Variants in CSNK2A1 observed in about 807,000 individuals in gnomAD.
The protein encoded by CSNK2A1 is casein kinase 2 alpha 1.
Under a neutral mutation model 62.9 loss-of-function variants are expected in CSNK2A1, and 10 were observed. The ratio of observed to expected loss-of-function variants is 0.16; its 90% CI spans 0.10 to 0.27. The LOEUF (loss-of-function observed/expected upper bound fraction) is 0.27. CSNK2A1 is among the 10% of genes least tolerant of loss of function. The pLI is 1.00. For synonymous variants in CSNK2A1, 124 were observed against 167.8 expected (o/e 0.74, Z 2.02); for missense variants, 160 against 492.0 (o/e 0.33, Z 6.38).
chr20:535,739 C>CAA lies in CSNK2A1; in HGVS notation c.-226-7692_-226-7691dup, dbSNP rs11477824. Among the ~76,000 whole-genome samples the CAA allele has an allele frequency of 2.0e-4, 14 of 70,002 alleles. No individual in the cohort carries two copies. The East Asian group carries it at 2.4e-3, about 12-fold the overall frequency. The allele number at this position is 70,002 out of a possible 152,430, so 45.9% of individuals were successfully genotyped here. A position where few individuals can be genotyped will look rare whatever the true frequency, so the allele number is the denominator to read the frequency against. On this transcript the variant is annotated intron_variant, in intron 1 of 13. Transcript: ENST00000217244. ...TGGGCGACAGAGCAAGACTCCATCT[C>CAA]AAAAAAAAAAAAAAAAAAAGTTTTA...
At chr20:538,017 A>G (rs1176120237) in intron 1 of CSNK2A1, among the ~76,000 whole-genome samples, 1 of 147,232 alleles carries the variant, frequency 6.8e-6, no homozygotes, top group Non-Finnish European at 1.5e-5. Context: ...GCTGGAGTGC[A>G]GTGGCGTGAT....
intron 2 of CSNK2A1, among the ~76,000 whole-genome samples, chr20:525,028 G>A (rs1266649608): frequency 6.6e-6 from 1 of 152,088 alleles, no homozygotes; most frequent in East Asian, 1.9e-4. Flanking sequence ...GTGATCATGT[G>A]AACCTAGGAG....
chr20:501,350 AC>A (rs2018465445), intron 4 of CSNK2A1: 1 of 152,284 alleles, frequency 6.6e-6, no homozygotes, highest in Non-Finnish European at 1.5e-5. Flanking sequence ...GGCATGAGCC[AC>A]TGTGCCTGGG....
At position 499,419 on chromosome 20, in the gene CSNK2A1, G is replaced by T. The variant is rs1040124323; in HGVS notation, c.316-114C>A. 31 of 879,708 alleles carry T rather than the reference G, an allele frequency of 3.5e-5. No individual in the cohort carries two copies. Among genetic ancestry groups the T allele is most frequent in the Admixed American group, 1.8e-4 (7 of 38,748 alleles). 54.5% of individuals were successfully genotyped at this position (879,708 alleles called of 1,614,324 possible). A position where few individuals can be genotyped will look rare whatever the true frequency, so the allele number is the denominator to read the frequency against. On this transcript the variant is annotated intron_variant, in intron 5 of 13. Coordinates refer to ENST00000217244, the MANE Select transcript of CSNK2A1 (RefSeq NM_177559.3). This position sits in a 1 kb window ranked among gnomAD's most constrained non-coding sequence, Gnocchi z 4.2. ...AAATTTGGCAGTCCTCGCCTCAGTA[G>T]TAAGAAACCCTCTATTGCTACAAGC...
At chr20:517,532 T>C (rs1180648085) in intron 2 of CSNK2A1, among the ~76,000 whole-genome samples, 1 of 152,158 alleles carries the variant, frequency 6.6e-6, no homozygotes, top group Non-Finnish European at 1.5e-5. Flanking sequence ...TGAAGGGTAT[T>C]TAAACTATCA....
intron 1 of CSNK2A1, among the ~76,000 whole-genome samples, chr20:532,330 ATTTTT>A (rs138287291): frequency 6.6e-5 from 8 of 121,978 alleles, no homozygotes; most frequent in African/African-American, 2.7e-4. Flanking sequence ...TGCCCGGCTA[ATTTTT>A]TTTTTTTTTT....
rs1223241770 is a variant in CSNK2A1 at position 477,199 on chromosome 20, T to G, written c.*6762A>C. ...CCACCACGCCCAGCTTCTGTGACTT[T>G]AAAAAAATCTTTTTAGACAGGGTCT... is the stretch of plus-strand genomic sequence containing the variant. On this transcript the variant is annotated 3_prime_UTR_variant, in exon 14 of 14. Coordinates refer to ENST00000217244, the MANE Select transcript of CSNK2A1 (RefSeq NM_177559.3). 6.6e-6 allele frequency: 1 copy of G among 152,204 alleles called. No individual in the cohort carries two copies. Among genetic ancestry groups the G allele is most frequent in the African/African-American group, 2.4e-5 (1 of 41,440 alleles). The allele number at this position is 152,204 out of a possible 1,614,324, so 9.4% of individuals were successfully genotyped here.
chr20:519,872 C>T (rs2018909201), intron 2 of CSNK2A1, among the ~76,000 whole-genome samples: 3 of 152,094 alleles, frequency 2.0e-5, no homozygotes, highest in African/African-American at 7.2e-5. Flanking sequence ...AGCTTTAAAA[C>T]ATAGAATACA....
chr20:535,484 G>A (rs551084000), intron 1 of CSNK2A1, among the ~76,000 whole-genome samples: 5 of 152,124 alleles, frequency 3.3e-5, no homozygotes, highest in Admixed American at 1.3e-4. Flanking sequence ...GGCCGGGCGC[G>A]GTGGCTCACG....
intron 1 of CSNK2A1, among the ~76,000 whole-genome samples, chr20:530,670 T>C (rs188876805): frequency 4.3e-4 from 65 of 152,244 alleles, no homozygotes; most frequent in African/African-American, 1.5e-3. Context: ...AGACAGGGTT[T>C]CGCCATGTTG....
At chr20:508,346 G>T in intron 3 of CSNK2A1, 105 bp downstream of exon 3, 1 of 1,263,078 alleles carries the variant, frequency 7.9e-7, no homozygotes, top group Non-Finnish European at 1.1e-6. Context: ...TGATCCTGAG[G>T]TATACACATA....
intron 2 of CSNK2A1, among the ~76,000 whole-genome samples, chr20:513,850 A>AT (rs2018774005): frequency 6.6e-6 from 1 of 152,190 alleles, no homozygotes; most frequent in Admixed American, 6.5e-5. Context: ...CAAGCTAACT[A>AT]TTTTTGCAGT....
At position 482,310 on chromosome 20, in the gene CSNK2A1, G is replaced by C. The variant is rs1020972483; in HGVS notation, c.*1651C>G. The stretch of plus-strand genomic sequence containing the variant: ...AAATAACAGGAGAAAATACAGAGCT[G>C]ATGGTTTTGCTATTGTGCTTAAAAA... On this transcript the variant is annotated 3_prime_UTR_variant, in exon 14 of 14. Coordinates refer to ENST00000217244, the MANE Select transcript of CSNK2A1 (RefSeq NM_177559.3). 3.9e-5 allele frequency: 6 copies of C among 152,164 alleles called. No homozygotes were observed. The highest frequency in any genetic ancestry group is 1.4e-4 in the African/African-American group (6 of 41,432). The allele number at this position is 152,164 out of a possible 1,614,324, so 9.4% of individuals were successfully genotyped here.
At chr20:490,902 A>AG (rs1378419410) in intron 9 of CSNK2A1, among the ~76,000 whole-genome samples, 1 of 151,750 alleles carries the variant, frequency 6.6e-6, no homozygotes, top group Non-Finnish European at 1.5e-5. Context: ...TGAAAAAAAA[A>AG]AAAAAAAAAC....
intron 1 of CSNK2A1, among the ~76,000 whole-genome samples, chr20:535,038 A>C (rs1487738319): frequency 1.4e-5 from 1 of 69,322 alleles, no homozygotes; most frequent in Admixed American, 1.2e-4. Context: ...ATCTCCCAAA[A>C]AAAAAAAAAA....
chr20:527,632 T>C (rs967730560), intron 2 of CSNK2A1, among the ~76,000 whole-genome samples: 1 of 152,130 alleles, frequency 6.6e-6, no homozygotes, highest in Non-Finnish European at 1.5e-5. Flanking sequence ...CTCTCTGACA[T>C]TGTCACACTG....
chr20:509,847 G>A (rs1465737611), intron 2 of CSNK2A1, among the ~76,000 whole-genome samples: 1 of 152,134 alleles, frequency 6.6e-6, no homozygotes, highest in Non-Finnish European at 1.5e-5. Flanking sequence ...AAAGTGCTGA[G>A]ATCACAGATG....
intron 1 of CSNK2A1, among the ~76,000 whole-genome samples, chr20:536,456 G>C (rs1402129929): frequency 6.6e-6 from 1 of 152,130 alleles, no homozygotes; most frequent in Non-Finnish European, 1.5e-5. Context: ...CCTGAGGTAG[G>C]TACTACTAAT....
chr20:505,894 A>G (rs1364853634), intron 3 of CSNK2A1: 46 of 39,176 alleles, frequency 1.2e-3, no homozygotes, highest in African/African-American at 5.1e-3. Context: ...TTTTTTTTTG[A>G]GACGGAGTCT....
Sources: allele counts gnomAD v4.1 joint callset (sites outside exome capture counted in the v4.1 genomes callset), GRCh38; gene constraint gnomAD v4.1.1; non-coding constraint Gnocchi (gnomAD v3.1); transcripts MANE v1.5; gene names NCBI Gene and HGNC (gene_info 2026-07-23, HGNC 2026-07-21).